Variants in GNLY observed in about 807,000 individuals in gnomAD.
GNLY encodes T-cell activation protein 519.
A neutral mutation model predicts 18.5 loss-of-function variants in GNLY; 15 were observed. The ratio of observed to expected loss-of-function variants is 0.81; its 90% confidence interval spans 0.54 to 1.25. GNLY has a LOEUF of 1.25. GNLY is among the 50% of genes most tolerant of loss of function. The pLI is 0.00. For synonymous variants in GNLY, 77 were observed against 74.9 expected (o/e 1.03, Z -0.14); for missense variants, 178 against 186.9 (o/e 0.95, Z 0.28).
In GNLY at chr2:85,698,596, G is replaced by T. The variant is rs1678553989; in HGVS notation, c.*22G>T. On this transcript the variant is annotated 3_prime_UTR_variant, in exon 5 of 5. Coordinates refer to ENST00000263863, the MANE Select transcript of GNLY (RefSeq NM_006433.5). ...CTGAGCCCTCTCACCTTGTCCTGTGGAAGAAGCACAGGCTCCTGTCCTCAG... is the reference window on the plus strand; with the variant it reads ...CTGAGCCCTCTCACCTTGTCCTGTGTAAGAAGCACAGGCTCCTGTCCTCAG... 1 of 1,613,540 alleles carries T rather than the reference G, an allele frequency of 6.2e-7. No homozygotes were observed.
rs751878466 is a variant in GNLY, at chr2:85,698,576, C to G, written c.*2C>G. 17 of 1,612,964 alleles carry G rather than the reference C, an allele frequency of 1.1e-5. No individual in the cohort carries two copies. On this transcript the variant is annotated 3_prime_UTR_variant, in exon 5 of 5. Coordinates refer to ENST00000263863, the MANE Select transcript of GNLY (RefSeq NM_006433.5). ...CTCTCCTCTCCAGGTCCCCTCTGAG[C>G]CCTCTCACCTTGTCCTGTGGAAGAA...
At chr2:85,697,906 G>A (rs1348706080) in intron 4 of GNLY, among the ~76,000 whole-genome samples, 1 of 152,226 alleles carries the variant, frequency 6.6e-6, no homozygotes, top group East Asian at 1.9e-4. Context: ...CTGGCTGTGT[G>A]ACCTTAAGCA....
intron 3 of GNLY, 186 bp downstream of exon 3, chr2:85,696,242 ACTCT>A: frequency 1.7e-6 from 1 of 586,796 alleles, no homozygotes; most frequent in South Asian, 2.1e-5. Flanking sequence ...TGAAATTGTG[ACTCT>A]CTGGAACTGT....
rs77465095 is a variant in GNLY, at chr2:85,695,755, G to C, written c.157-203G>C. Among the ~76,000 whole-genome samples, 346 of 152,270 alleles carry C rather than the reference G, an allele frequency of 2.3e-3. 1 individual carries two copies. Among genetic ancestry groups the C allele is most frequent in the Non-Finnish European group, 3.7e-3 (252 of 68,016 alleles). On this transcript the variant is annotated intron_variant, in intron 2 of 4. Coordinates refer to ENST00000263863, the MANE Select transcript of GNLY (RefSeq NM_006433.5). ...ACTGGGGGTGTGGGAGGCTGTTTCT[G>C]GGGTGTCTCAGAGCCTCTAAGACAA...
chr2:85,696,323 A>G (rs1678448550), intron 3 of GNLY: 1 of 407,294 alleles, frequency 2.5e-6, no homozygotes, highest in South Asian at 3.6e-5. Context: ...GTCCCAGAGA[A>G]GTTAGGAATC....
intron 1 of GNLY, 66 bp from the exon 2 acceptor site, chr2:85,695,254 C>A: frequency 8.5e-7 from 1 of 1,182,576 alleles, no homozygotes; most frequent in Admixed American, 1.8e-5. Flanking sequence ...CTCCCACCAG[C>A]CAGGAGAACG....
intron 1 of GNLY, 117 bp downstream of exon 1, chr2:85,694,587 C>T: frequency 9.1e-7 from 1 of 1,102,672 alleles, no homozygotes; most frequent in Non-Finnish European, 1.3e-6. Flanking sequence ...TCCCCCCGGC[C>T]TTCTCCCCCG....
At position 85,698,557 on chromosome 2, in the gene GNLY, T is replaced by A. The variant is rs4240202; in HGVS notation, c.428-7T>A. On this transcript the variant is annotated splice_polypyrimidine_tract_variant and splice_region_variant and intron_variant, in intron 4 of 4. Coordinates refer to ENST00000263863, the MANE Select transcript of GNLY (RefSeq NM_006433.5). ...CTGCCCACAGCTGGCTGTTCTCTCCTCTCCAGGTCCCCTCTGAGCCCTCTC... is the reference window on the plus strand; with the variant it reads ...CTGCCCACAGCTGGCTGTTCTCTCCACTCCAGGTCCCCTCTGAGCCCTCTC... 2 of 1,612,010 alleles carry A rather than the reference T, an allele frequency of 1.2e-6. No individual in the cohort carries two copies. The highest frequency in any genetic ancestry group is 2.2e-5 in the East Asian group (1 of 44,824).
At chr2:85,696,198 C>T in intron 3 of GNLY, 142 bp downstream of exon 3, 1 of 604,848 alleles carries the variant, frequency 1.7e-6, no homozygotes. Context: ...TCTGTGAGTC[C>T]CCGTGTGTCT....
intron 1 of GNLY, 122 bp from the exon 2 acceptor site, chr2:85,695,198 C>G: frequency 2.4e-6 from 2 of 822,008 alleles, no homozygotes; most frequent in Non-Finnish European, 4.0e-6. Context: ...TATCCTGGCC[C>G]CCTGCAAGGC....
chr2:85,694,870 G>A lies in GNLY; in HGVS notation c.52+400G>A, dbSNP rs991516424. The A allele has an allele frequency of 2.2e-5, 34 of 1,538,202 alleles. 1 individual carries two copies. Among genetic ancestry groups the A allele is most frequent in the Non-Finnish European group, 2.9e-5 (33 of 1,146,456 alleles). ...CTGGTGAGAGAACAAGATCTCTTCT[G>A]TGTTCAAGGCAGACTTCCTGCCCCC... On this transcript the variant is annotated intron_variant, in intron 1 of 4. Transcript: ENST00000263863.
intron 4 of GNLY, among the ~76,000 whole-genome samples, chr2:85,698,227 C>T (rs566629712): frequency 1.3e-5 from 2 of 152,358 alleles, no homozygotes; most frequent in East Asian, 1.9e-4. Flanking sequence ...GCTGCCCAGG[C>T]TGTGCCTGGA....
chr2:85,695,675 A>C (rs1048862602), intron 2 of GNLY, among the ~76,000 whole-genome samples: 22 of 152,272 alleles, frequency 1.4e-4, no homozygotes, highest in Non-Finnish European at 2.5e-4. Flanking sequence ...CCAAATAGGC[A>C]GACTCCCCTG....
In GNLY at chr2:85,698,807, G is replaced by A. The variant is rs1678570231; in HGVS notation, c.*233G>A. The A allele has an allele frequency of 1.4e-6, 2 of 1,480,324 alleles. No individual in the cohort carries two copies. The highest frequency in any genetic ancestry group is 1.8e-6 in the Non-Finnish European group (2 of 1,116,820). 91.7% of individuals were successfully genotyped at this position (1,480,324 alleles called of 1,614,324 possible). A position where few individuals can be genotyped will look rare whatever the true frequency, so the allele number is the denominator to read the frequency against. ...GAGGGGTGGGTGTCAGTGGCATGCT[G>A]GGGTGAGCTGTGTAGTCCTTCAATA... On this transcript the variant is annotated 3_prime_UTR_variant, in exon 5 of 5. Transcript: ENST00000263863.
chr2:85,696,166 G>A (rs942993508), intron 3 of GNLY, 110 bp downstream of exon 3: 3 of 633,108 alleles, frequency 4.7e-6, no homozygotes, highest in African/African-American at 1.8e-5. Context: ...GTGATCCTGG[G>A]GGAGGGCTTC....
chr2:85,697,254 C>G (rs979927396), intron 3 of GNLY: 2 of 478,696 alleles, frequency 4.2e-6, no homozygotes, highest in East Asian at 7.5e-5. Flanking sequence ...GGGACAGGTG[C>G]ACAAGGCGCT....
Position 85,698,824 on chromosome 2 carries a change from C to T in GNLY, c.*250C>T, listed in dbSNP as rs1352374467. On this transcript the variant is annotated 3_prime_UTR_variant, in exon 5 of 5. Coordinates refer to ENST00000263863, the MANE Select transcript of GNLY (RefSeq NM_006433.5). ...GGCATGCTGGGGTGAGCTGTGTAGT[C>T]CTTCAATAAATGTCTGTCGTGTGTC... The T allele has an allele frequency of 2.4e-5, 35 of 1,444,624 alleles. No homozygotes were observed. Among genetic ancestry groups the T allele is most frequent in the Middle Eastern group, 2.0e-4 (1 of 4,974 alleles). The allele number at this position is 1,444,624 out of a possible 1,614,324, so 89.5% of individuals were successfully genotyped here.
chr2:85,697,147 G>C, intron 3 of GNLY: 1 of 204,910 alleles, frequency 4.9e-6, no homozygotes, highest in Non-Finnish European at 9.8e-6. Flanking sequence ...CCCTCTATCT[G>C]GAGCCCCCAG....
intron 2 of GNLY, 102 bp downstream of exon 2, chr2:85,695,525 G>A (rs1375588112): frequency 4.2e-6 from 3 of 717,436 alleles, no homozygotes; most frequent in Admixed American, 2.1e-5. Flanking sequence ...GTCAGGAGGT[G>A]GGAGTGGAGG....
Sources: allele counts gnomAD v4.1 joint callset (sites outside exome capture counted in the v4.1 genomes callset), GRCh38; gene constraint gnomAD v4.1.1; transcripts MANE v1.5; gene names NCBI Gene and HGNC (gene_info 2026-07-23, HGNC 2026-07-21).